Variants in ZNF737 observed in about 807,000 individuals in gnomAD.
The protein encoded by ZNF737 is zinc finger protein 102 (Y3).
Under a neutral mutation model 11.7 loss-of-function variants are expected in ZNF737, and 13 were observed. That is an observed-to-expected ratio of 1.11 (90% CI 0.73 to 1.77). The LOEUF (loss-of-function observed/expected upper bound fraction) is 1.77, where lower values mean the gene tolerates loss of function less well. Among genes scored for constraint, ZNF737 ranks in the 40% most tolerant of loss-of-function variants. The probability of loss-of-function intolerance (pLI) is 0.00; values close to 1 mark genes in which losing one functional copy is unlikely to be tolerated. For synonymous variants in ZNF737, 217 were observed against 216.2 expected, an observed-to-expected ratio of 1.00 and a Z score of -0.03; for missense variants, 636 against 638.0, an observed-to-expected ratio of 1.00 and a Z score of 0.03.
chr19:20,554,933 G>A (rs1968829763), intron 1 of ZNF737, among the ~76,000 whole-genome samples: 1 of 120,768 alleles, frequency 8.3e-6, no homozygotes, highest in Non-Finnish European at 1.8e-5. Context: ...CATGATCTTG[G>A]CTCACTGCAA....
chr19:20,539,145 C>G lies in ZNF737; in HGVS notation c.*5447G>C, dbSNP rs1330887528. On this transcript the variant is annotated 3_prime_UTR_variant, in exon 4 of 4. Transcript: ENST00000427401. ...ATCCCATCTCTACTACAAAAATTATCCGGGCATAATGGCGGGTGCCTGTTA... is the reference window on the plus strand; with the variant it reads ...ATCCCATCTCTACTACAAAAATTATGCGGGCATAATGGCGGGTGCCTGTTA... 2 of 476,638 alleles carry G rather than the reference C, an allele frequency of 4.2e-6. No homozygotes were observed. The highest frequency in any genetic ancestry group is 4.5e-5 in the African/African-American group (2 of 44,766). The allele number at this position is 476,638 out of a possible 1,614,324, so 29.5% of individuals were successfully genotyped here.
chr19:20,537,509 C>CTTTT (rs1172290847), downstream of ZNF737, among the ~76,000 whole-genome samples: 30 of 58,462 alleles, frequency 5.1e-4, 1 homozygote, highest in Non-Finnish European at 6.6e-4. Context: ...GCCTGGTTTT[C>CTTTT]TATTTTTTTT....
Position 20,549,493 on chromosome 19 carries a change from T to C in ZNF737, c.226+2982A>G, listed in dbSNP as rs145821894. Among the ~76,000 whole-genome samples, 101 of 152,184 alleles carry C rather than the reference T, an allele frequency of 6.6e-4. No individual in the cohort carries two copies. In the East Asian group the frequency reaches 0.018, roughly 28 times the overall value. ...AAATACAAAAATTAGCTGAGCATGG[T>C]GGCTCATGCCTGTAGTCCCAGCTAC... On this transcript the variant is annotated intron_variant, in intron 3 of 3. Coordinates refer to ENST00000427401, the MANE Select transcript of ZNF737 (RefSeq NM_001159293.2).
chr19:20,550,869 C>G (rs1968636805), intron 3 of ZNF737, among the ~76,000 whole-genome samples: 1 of 152,162 alleles, frequency 6.6e-6, no homozygotes, highest in Non-Finnish European at 1.5e-5. Flanking sequence ...CTACAGTACC[C>G]CTGTTCATGG....
Position 20,539,140 on chromosome 19 carries a change from A to C in ZNF737, c.*5452T>G. 3.0e-5 allele frequency: 18 copies of C among 599,730 alleles called. No individual in the cohort carries two copies. Among genetic ancestry groups the C allele is most frequent in the Non-Finnish European group, 3.3e-5 (16 of 478,022 alleles). 37.2% of individuals were successfully genotyped at this position (599,730 alleles called of 1,614,324 possible). A position where few individuals can be genotyped will look rare whatever the true frequency, so the allele number is the denominator to read the frequency against. On this transcript the variant is annotated 3_prime_UTR_variant, in exon 4 of 4. Transcript: ENST00000427401. ...ATGAAATCCCATCTCTACTACAAAA[A>C]TTATCCGGGCATAATGGCGGGTGCC...
Position 20,540,021 on chromosome 19 carries a change from G to A in ZNF737, c.*4571C>T. The A allele has an allele frequency of 1.0e-6, 1 of 985,404 alleles. No homozygotes were observed. Among genetic ancestry groups the A allele is most frequent in the Non-Finnish European group, 1.2e-6 (1 of 829,928 alleles). 61.0% of individuals were successfully genotyped at this position (985,404 alleles called of 1,614,324 possible). A position where few individuals can be genotyped will look rare whatever the true frequency, so the allele number is the denominator to read the frequency against. On this transcript the variant is annotated 3_prime_UTR_variant, in exon 4 of 4. Coordinates refer to ENST00000427401, the MANE Select transcript of ZNF737 (RefSeq NM_001159293.2). Reference sequence around the variant, plus strand: ...CTGTTTCTCTTAAGCTATCCCAGATGAGAGGTGATTATTTCTTGAATGAAT... The same window carrying A: ...CTGTTTCTCTTAAGCTATCCCAGATAAGAGGTGATTATTTCTTGAATGAAT...
In ZNF737 at chr19:20,565,666, C is replaced by A. The variant is rs1236575794; in HGVS notation, c.-26G>T. 1.9e-6 allele frequency: 3 copies of A among 1,614,026 alleles called. No individual in the cohort carries two copies. The highest frequency in any genetic ancestry group is 1.7e-5 in the Admixed American group (1 of 60,006). ...TTCTAGGCTTCCAGGGGCTCCCGGG[C>A]GTCTTAGCTGTGGATCTCCCAATAC... On this transcript the variant is annotated 5_prime_UTR_variant, in exon 1 of 4. Transcript: ENST00000427401.
At chr19:20,561,061 T>C (rs1276029976) in intron 1 of ZNF737, among the ~76,000 whole-genome samples, 2 of 151,994 alleles carry the variant, frequency 1.3e-5, no homozygotes, top group African/African-American at 4.8e-5. Flanking sequence ...AAATAAAAGC[T>C]AAAAGAAAAA....
chr19:20,541,387 C>G lies in ZNF737; in HGVS notation c.*3205G>C. 1.0e-6 allele frequency: 1 copy of G among 983,578 alleles called. No homozygotes were observed. The allele number at this position is 983,578 out of a possible 1,614,324, so 60.9% of individuals were successfully genotyped here. ...TGTTTGCAGGCAGAGACCACATGTTCAAGGAAAACTATATTACAAGTATTT... is the reference window on the plus strand; with the variant it reads ...TGTTTGCAGGCAGAGACCACATGTTGAAGGAAAACTATATTACAAGTATTT... On this transcript the variant is annotated 3_prime_UTR_variant, in exon 4 of 4. Transcript: ENST00000427401.
Position 20,553,698 on chromosome 19 carries a change from G to C in ZNF737, c.130+11C>G. On this transcript the variant is annotated intron_variant, in intron 2 of 3. Transcript: ENST00000427401. ...TGTATATTATGAATTATGTATTAAA[G>C]TTTTTCTCACCAAGGAAGACCAGGT... is the stretch of plus-strand genomic sequence containing the variant. 6.2e-7 allele frequency: 1 copy of C among 1,612,070 alleles called. No homozygotes were observed.
At chr19:20,553,662 A>G (rs782767639) in intron 2 of ZNF737, 47 bp downstream of exon 2, 2 of 1,555,242 alleles carry the variant, frequency 1.3e-6, no homozygotes, top group African/African-American at 2.8e-5. Flanking sequence ...AGAGAGAAAT[A>G]AAGTCTTTTG....
chr19:20,539,851 A>G lies in ZNF737; in HGVS notation c.*4741T>C, dbSNP rs1555754714. 4.1e-6 allele frequency: 4 copies of G among 985,230 alleles called. No individual in the cohort carries two copies. The East Asian group carries it at 4.5e-4, about 112-fold the overall frequency. 61.0% of individuals were successfully genotyped at this position (985,230 alleles called of 1,614,324 possible). ...GTGCAGACATGCTGATTGAATTAGA[A>G]TGAGTTCAGCCTTGTTGGTAGACTA... On this transcript the variant is annotated 3_prime_UTR_variant, in exon 4 of 4. Coordinates refer to ENST00000427401, the MANE Select transcript of ZNF737 (RefSeq NM_001159293.2).
Position 20,540,096 on chromosome 19 carries a change from C to G in ZNF737, c.*4496G>C, listed in dbSNP as rs543422462. The G allele has an allele frequency of 1.0e-6, 1 of 985,294 alleles. No homozygotes were observed. Among genetic ancestry groups the G allele is most frequent in the African/African-American group, 1.7e-5 (1 of 57,328 alleles). The allele number at this position is 985,294 out of a possible 1,614,324, so 61.0% of individuals were successfully genotyped here. ...CCATAGAATCCTCTTATGTTCCTTA[C>G]TGGAAGCAACATGGAGGAGGCAGAA... On this transcript the variant is annotated 3_prime_UTR_variant, in exon 4 of 4. Coordinates refer to ENST00000427401, the MANE Select transcript of ZNF737 (RefSeq NM_001159293.2).
chr19:20,549,568 C>T (rs1465267465), intron 3 of ZNF737, among the ~76,000 whole-genome samples: 4 of 151,878 alleles, frequency 2.6e-5, no homozygotes, highest in African/African-American at 9.7e-5. Flanking sequence ...GGGTTCAAAA[C>T]TTCAAAACAA....
chr19:20,540,154 T>A lies in ZNF737; in HGVS notation c.*4438A>T. On this transcript the variant is annotated 3_prime_UTR_variant, in exon 4 of 4. Coordinates refer to ENST00000427401, the MANE Select transcript of ZNF737 (RefSeq NM_001159293.2). ...CAAGATACAAACATTTTTCCCGCCATGTGGCCACCATAAGCAGCTTACAAC... is the reference window on the plus strand; with the variant it reads ...CAAGATACAAACATTTTTCCCGCCAAGTGGCCACCATAAGCAGCTTACAAC... The A allele has an allele frequency of 2.0e-6, 2 of 985,402 alleles. No homozygotes were observed. The allele number at this position is 985,402 out of a possible 1,614,324, so 61.0% of individuals were successfully genotyped here.
rs1968113341 is a variant in ZNF737, at chr19:20,539,495, A to T, written c.*5097T>A. The T allele has an allele frequency of 4.1e-6, 4 of 985,278 alleles. No homozygotes were observed. The highest frequency in any genetic ancestry group is 2.3e-4 in the East Asian group (2 of 8,824). The allele number at this position is 985,278 out of a possible 1,614,324, so 61.0% of individuals were successfully genotyped here. On this transcript the variant is annotated 3_prime_UTR_variant, in exon 4 of 4. Coordinates refer to ENST00000427401, the MANE Select transcript of ZNF737 (RefSeq NM_001159293.2). ...GGCAATTATGCGAAGCCATTGAAAA[A>T]ATGTGGTCTTGGTAAATTTTATTCC... is the stretch of plus-strand genomic sequence containing the variant.
intron 1 of ZNF737, among the ~76,000 whole-genome samples, chr19:20,561,706 CGA>C (rs1568437479): frequency 6.6e-6 from 1 of 151,996 alleles, no homozygotes; most frequent in Non-Finnish European, 1.5e-5. Flanking sequence ...CTGACACCAC[CGA>C]GAGTCAACAC....
intron 1 of ZNF737, among the ~76,000 whole-genome samples, chr19:20,561,887 C>T (rs560117742): frequency 1.3e-5 from 2 of 152,306 alleles, no homozygotes; most frequent in Middle Eastern, 3.4e-3. Flanking sequence ...CTCAGCAAAC[C>T]ACTGCAGTGA....
At chr19:20,553,945 C>A in intron 1 of ZNF737, 110 bp from the exon 2 acceptor site, 1 of 1,302,418 alleles carries the variant, frequency 7.7e-7, no homozygotes, top group South Asian at 1.5e-5. Context: ...ACTTATAGGA[C>A]TGACTAAAAT....
Sources: allele counts gnomAD v4.1 joint callset (sites outside exome capture counted in the v4.1 genomes callset), GRCh38; gene constraint gnomAD v4.1.1; transcripts MANE v1.5; gene names NCBI Gene and HGNC (gene_info 2026-07-23, HGNC 2026-07-21).